PRR16: variants seen among roughly 807,000 people sequenced by gnomAD.
The protein encoded by PRR16 is proline rich 16, also known as protein Largen.
Under a neutral mutation model 18.2 loss-of-function variants are expected in PRR16, and 6 were observed. That is an observed-to-expected ratio of 0.33 (90% confidence interval 0.18 to 0.65). The LOEUF (loss-of-function observed/expected upper bound fraction) is 0.65. PRR16 is among the 30% of genes least tolerant of loss of function. The probability of loss-of-function intolerance (pLI) is 0.74; values close to 1 mark genes in which losing one functional copy is unlikely to be tolerated. For synonymous variants in PRR16, 151 were observed against 147.8 expected (o/e 1.02, Z -0.16); for missense variants, 412 against 376.6 (o/e 1.09, Z -0.78).
the PRR16 span, chr5:120,790,288 A>C: frequency 1.3e-5 from 2 of 152,230 alleles, no homozygotes; most frequent in Admixed American, 1.3e-4. Flanking sequence ...CACCAAACCA[A>C]CTCATCTTGT....
At position 120,521,869 on chromosome 5, in the gene PRR16, T is replaced by G. The variant is rs529130543; in HGVS notation, c.159+57224T>G. Among the ~76,000 whole-genome samples, 99 of 152,272 alleles carry G rather than the reference T, an allele frequency of 6.5e-4. 1 individual carries two copies. Among genetic ancestry groups the G allele is most frequent in the Non-Finnish European group, 1.1e-3 (78 of 68,028 alleles). ...CCTGTGTGTGGTGTTCCCCACCCTG[T>G]GTCCAAGTTTTCTCATTGTTCAATT... is the stretch of plus-strand genomic sequence containing the variant. On this transcript the variant is annotated intron_variant, in intron 1 of 1. Coordinates refer to ENST00000407149, the MANE Select transcript of PRR16 (RefSeq NM_001300783.2).
chr5:120,631,595 G>A (rs1427518080), intron 1 of PRR16, among the ~76,000 whole-genome samples: 1 of 152,070 alleles, frequency 6.6e-6, no homozygotes, highest in Non-Finnish European at 1.5e-5. Context: ...GTATGACTCA[G>A]TAGAGGCAGC....
chr5:120,645,321 C>G (rs888991634), intron 1 of PRR16, among the ~76,000 whole-genome samples: 2 of 151,724 alleles, frequency 1.3e-5, no homozygotes, highest in Non-Finnish European at 2.9e-5. Context: ...TTTGGTTACA[C>G]ACACAGACAC....
At chr5:120,732,275 C>G in the PRR16 span, among the ~76,000 whole-genome samples, 1 of 152,182 alleles carries the variant, frequency 6.6e-6, no homozygotes, top group Non-Finnish European at 1.5e-5. Context: ...TACACATCTT[C>G]ATGAGTATGT....
chr5:120,695,216 A>G, the PRR16 span, among the ~76,000 whole-genome samples: 1 of 152,220 alleles, frequency 6.6e-6, no homozygotes, highest in Non-Finnish European at 1.5e-5. Flanking sequence ...GTTGTATCAA[A>G]TAATGACTAT....
At chr5:120,499,230 C>T (rs1046260711) in intron 1 of PRR16, among the ~76,000 whole-genome samples, 3 of 151,964 alleles carry the variant, frequency 2.0e-5, no homozygotes, top group Admixed American at 6.6e-5. Context: ...CTGTCTCAGC[C>T]GCCCCAGTAG....
At chr5:120,771,808 ATACTT>A in the PRR16 span, among the ~76,000 whole-genome samples, 2 of 152,034 alleles carry the variant, frequency 1.3e-5, no homozygotes, top group Admixed American at 6.6e-5. Context: ...ATGAAAATAT[ATACTT>A]TAATTTTAAA....
At chr5:120,742,890 C>G in the PRR16 span, among the ~76,000 whole-genome samples, 1 of 152,180 alleles carries the variant, frequency 6.6e-6, no homozygotes, top group African/African-American at 2.4e-5. Context: ...CATAACTTAG[C>G]TCATGGCCCC....
the PRR16 span, among the ~76,000 whole-genome samples, chr5:120,699,880 A>C: frequency 6.6e-6 from 1 of 152,096 alleles, no homozygotes. Flanking sequence ...TTTTTATGAG[A>C]ATTATGCCGA....
intron 1 of PRR16, among the ~76,000 whole-genome samples, chr5:120,648,196 T>C (rs1028144044): frequency 6.6e-6 from 1 of 152,154 alleles, no homozygotes; most frequent in Non-Finnish European, 1.5e-5. Context: ...GGCTTCTATT[T>C]TCAAAGTGGT....
chr5:120,572,048 C>A (rs567337363), intron 1 of PRR16, among the ~76,000 whole-genome samples: 1 of 152,256 alleles, frequency 6.6e-6, no homozygotes, highest in Non-Finnish European at 1.5e-5. Flanking sequence ...GAACAAGTAT[C>A]CCGAAAGACC....
intron 1 of PRR16, among the ~76,000 whole-genome samples, chr5:120,677,475 T>C (rs577399504): frequency 7.1e-4 from 108 of 152,342 alleles, no homozygotes; most frequent in African/African-American, 2.4e-3. Context: ...TTTACCGGTC[T>C]TCTTCTCTTG....
chr5:120,652,741 G>A (rs1340931265), intron 1 of PRR16, among the ~76,000 whole-genome samples: 4 of 151,902 alleles, frequency 2.6e-5, no homozygotes, highest in Non-Finnish European at 2.9e-5. Context: ...CAATGGGATC[G>A]TGCAACAGAA....
chr5:120,566,497 A>G (rs1752742662), intron 1 of PRR16, among the ~76,000 whole-genome samples: 1 of 152,114 alleles, frequency 6.6e-6, no homozygotes, highest in African/African-American at 2.4e-5. Context: ...GTTTGTGTTT[A>G]CCAAAAGTCT....
the PRR16 span, among the ~76,000 whole-genome samples, chr5:120,727,307 A>G: frequency 6.6e-6 from 1 of 152,016 alleles, no homozygotes; most frequent in East Asian, 1.9e-4. Context: ...CTTCAAGTCC[A>G]CTTACAAGCT....
At position 120,588,268 on chromosome 5, in the gene PRR16, G is replaced by A. The variant is rs141953728; in HGVS notation, c.160-97686G>A. On this transcript the variant is annotated intron_variant, in intron 1 of 1. Coordinates refer to ENST00000407149, the MANE Select transcript of PRR16 (RefSeq NM_001300783.2). ...ATATTGCATAAACTTAGTTTTTAAAGCTATGGCGGGGTTTGAAAGGATTGA... is the reference window on the plus strand; with the variant it reads ...ATATTGCATAAACTTAGTTTTTAAAACTATGGCGGGGTTTGAAAGGATTGA... Among the ~76,000 whole-genome samples the A allele has an allele frequency of 4.8e-3, 738 of 152,286 alleles. 5 individuals are homozygous for A. The highest frequency in any genetic ancestry group is 0.015 in the African/African-American group (639 of 41,554).
At chr5:120,681,425 T>C (rs997743436) in intron 1 of PRR16, among the ~76,000 whole-genome samples, 2 of 152,128 alleles carry the variant, frequency 1.3e-5, no homozygotes, top group African/African-American at 4.8e-5. Context: ...ACTTAAATAG[T>C]TTAATTCTGA....
chr5:120,518,425 G>A (rs1751068038), intron 1 of PRR16, among the ~76,000 whole-genome samples: 3 of 152,126 alleles, frequency 2.0e-5, no homozygotes, highest in Admixed American at 2.0e-4. Context: ...GACTAGGGAT[G>A]AGGCTTCAAT....
At chr5:120,650,596 G>A (rs1376412942) in intron 1 of PRR16, among the ~76,000 whole-genome samples, 1 of 150,342 alleles carries the variant, frequency 6.7e-6, no homozygotes, top group Non-Finnish European at 1.5e-5. Flanking sequence ...TTTTGTCCTT[G>A]CGATAGTTTG....
Sources: gnomAD v4.1 joint callset for allele counts (sites outside exome capture counted in the v4.1 genomes callset) on GRCh38, gnomAD v4.1.1 for gene constraint, MANE v1.5 for transcripts, NCBI Gene and HGNC (gene_info 2026-07-23, HGNC 2026-07-21) for gene names.